NAV1: variants seen among roughly 807,000 people sequenced by gnomAD.
NAV1 encodes neuron navigator 1.
Under a neutral mutation model 175.2 loss-of-function variants are expected in NAV1, and 18 were observed. The ratio of observed to expected loss-of-function variants is 0.10; its 90% CI spans 0.07 to 0.15. The LOEUF (loss-of-function observed/expected upper bound fraction) is 0.15, where lower values mean the gene tolerates loss of function less well. Ranked by LOEUF, NAV1 falls within the 10% of genes least tolerant of loss-of-function variation. The pLI, the probability that NAV1 is intolerant of heterozygous loss-of-function variation, is 1.00. For synonymous variants in NAV1, 897 were observed against 978.7 expected, an observed-to-expected ratio of 0.92 and a Z score of 1.56; for missense variants, 1,731 against 2,436.6, an observed-to-expected ratio of 0.71 and a Z score of 6.10.
chr1:201,722,505 T>A (rs1226276878), intron 3 of NAV1, among the ~76,000 whole-genome samples: 1 of 152,260 alleles, frequency 6.6e-6, no homozygotes, highest in African/African-American at 2.4e-5. Flanking sequence ...TACCCATTCA[T>A]CTGTTCATGG....
intron 1 of NAV1, among the ~76,000 whole-genome samples, chr1:201,542,789 T>A (rs1217429747): frequency 6.6e-6 from 1 of 152,242 alleles, no homozygotes; most frequent in African/African-American, 2.4e-5. Context: ...AAGGCTCTGA[T>A]GCATGTGCCT....
exon 1 of NAV1, chr1:201,649,373 G>A: frequency 1.9e-6 from 3 of 1,604,202 alleles, no homozygotes; most frequent in Non-Finnish European, 2.6e-6. Flanking sequence ...ACCCCGAGCT[G>A]GTGGTGACCG....
At chr1:201,603,221 A>G (rs576389889) in intron 2 of NAV1, among the ~76,000 whole-genome samples, 56 of 152,326 alleles carry the variant, frequency 3.7e-4, no homozygotes, top group Non-Finnish European at 7.2e-4. Flanking sequence ...ATGGGTCCCA[A>G]AAGATTTTAC....
chr1:201,754,263 G>A (rs531189978), intron 3 of NAV1, among the ~76,000 whole-genome samples: 79 of 152,258 alleles, frequency 5.2e-4, no homozygotes, highest in African/African-American at 1.9e-3. Flanking sequence ...AAGGGAATAG[G>A]TAGAAGAGGA....
In NAV1 at chr1:201,808,489, A is replaced by C. The variant is rs1209360736; in HGVS notation, c.3917A>C (p.Glu1306Ala). 6.2e-7 allele frequency: 1 copy of C among 1,614,260 alleles called. No individual in the cohort carries two copies. Among genetic ancestry groups the C allele is most frequent in the South Asian group, 1.1e-5 (1 of 91,088 alleles). ...GAGGAGGAGGAGCCAGAGAAGAAGG[A>C]GGTATCGGAGCTGCGCTCTGAGCTA... Residue 1306 changes from glutamate to alanine, a missense_variant, in exon 19 of 30, where the codon GAG becomes GCG. This residue lies in a region of NAV1 where 146 missense variants were observed against 176.8 expected (regional missense o/e 0.83). Coordinates refer to ENST00000367296, the Ensembl canonical transcript of NAV1. This position sits in a 1 kb window ranked among gnomAD's most constrained non-coding sequence, Gnocchi z 5.5.
At chr1:201,648,608 C>A in exon 1 of NAV1, 1 of 1,286,730 alleles carries the variant, frequency 7.8e-7, no homozygotes, top group Non-Finnish European at 9.8e-7. Context: ...GCTCCCGCCC[C>A]CTGCCCCCTC....
upstream of NAV1, among the ~76,000 whole-genome samples, chr1:201,646,049 A>G (rs2819388): frequency 0.072 from 10,993 of 152,192 alleles, 1,269 homozygotes; most frequent in African/African-American, 0.24. Flanking sequence ...ATGGGGCTTG[A>G]TCCCTTGCTT....
At chr1:201,710,999 T>C (rs960811157) in intron 1 of NAV1, among the ~76,000 whole-genome samples, 1 of 152,178 alleles carries the variant, frequency 6.6e-6, no homozygotes, top group African/African-American at 2.4e-5. Context: ...AGTCCCCACA[T>C]AGGCATTTTA....
At chr1:201,609,844 A>G (rs1667796323) in intron 2 of NAV1, among the ~76,000 whole-genome samples, 1 of 151,130 alleles carries the variant, frequency 6.6e-6, no homozygotes, top group African/African-American at 2.4e-5. Flanking sequence ...AGGAAAGTGT[A>G]TATATATAGA....
At chr1:201,578,369 TA>T (rs1272411032) in intron 1 of NAV1, among the ~76,000 whole-genome samples, 1 of 152,212 alleles carries the variant, frequency 6.6e-6, no homozygotes, top group Non-Finnish European at 1.5e-5. Context: ...TGTTCTTCAT[TA>T]CCCCTGGGCT....
chr1:201,684,138 C>T (rs1292793665), intron 1 of NAV1, among the ~76,000 whole-genome samples: 3 of 152,104 alleles, frequency 2.0e-5, no homozygotes, highest in African/African-American at 7.2e-5. Flanking sequence ...TGCTTTTCGG[C>T]CCTACAAGAT....
exon 30 of NAV1, chr1:201,824,085 G>A (rs536390312): frequency 3.3e-5 from 5 of 152,258 alleles, no homozygotes; most frequent in African/African-American, 1.2e-4. Flanking sequence ...TGGAGAGGGC[G>A]GGGGAATTGT....
chr1:201,678,616 G>A (rs998577966), intron 1 of NAV1, among the ~76,000 whole-genome samples: 2 of 152,166 alleles, frequency 1.3e-5, no homozygotes, highest in African/African-American at 2.4e-5. Context: ...AGTGATAAAG[G>A]AGTAACTGTA....
chr1:201,731,896 C>T (rs1180281736), intron 3 of NAV1, among the ~76,000 whole-genome samples: 1 of 152,194 alleles, frequency 6.6e-6, no homozygotes, highest in Non-Finnish European at 1.5e-5. Context: ...AGCGAGCCTC[C>T]ACAGAGGGGC....
intron 1 of NAV1, among the ~76,000 whole-genome samples, chr1:201,586,599 T>C (rs1390028157): frequency 6.6e-6 from 1 of 151,804 alleles, no homozygotes; most frequent in Non-Finnish European, 1.5e-5. Flanking sequence ...TCTCCCTGGG[T>C]CCTCACACAG....
At chr1:201,588,206 A>G (rs1301797811) in intron 1 of NAV1, among the ~76,000 whole-genome samples, 1 of 152,270 alleles carries the variant, frequency 6.6e-6, no homozygotes, top group African/African-American at 2.4e-5. Context: ...GATATATCAT[A>G]CAGTGGAATC....
intron 8 of NAV1, 134 bp downstream of exon 12, chr1:201,785,485 C>T (rs978968091): frequency 1.1e-6 from 1 of 900,014 alleles, no homozygotes; most frequent in Admixed American, 2.2e-5. Flanking sequence ...TATGTGGTCC[C>T]ATACAAGTAC....
At chr1:201,567,083 CA>C (rs1258912375) in intron 1 of NAV1, among the ~76,000 whole-genome samples, 2 of 149,392 alleles carry the variant, frequency 1.3e-5, no homozygotes, top group African/African-American at 2.5e-5. Context: ...CACCGGAAGA[CA>C]AAAAAAATGA....
chr1:201,714,437 T>C (rs1298951586), intron 2 of NAV1, among the ~76,000 whole-genome samples: 1 of 152,182 alleles, frequency 6.6e-6, no homozygotes, highest in East Asian at 1.9e-4. Context: ...TTTTAAATGG[T>C]AAGATAAATC....
Sources: allele counts gnomAD v4.1 joint callset (sites outside exome capture counted in the v4.1 genomes callset), GRCh38; gene constraint gnomAD v4.1.1; regional missense constraint gnomAD v4.1.1; non-coding constraint Gnocchi (gnomAD v3.1); transcripts MANE v1.5; gene names NCBI Gene and HGNC (gene_info 2026-07-23, HGNC 2026-07-21).